The following SYTL3 variants were observed in gnomAD, a reference collection of about 807,000 sequenced individuals.
SYTL3 encodes synaptotagmin-like protein 3.
SYTL3 carries 88 observed loss-of-function variants against 82.1 expected under a neutral mutation model. The observed-to-expected ratio is 1.07, with a 90% CI of 0.90 to 1.28. SYTL3 has a LOEUF of 1.28. SYTL3 is among the 50% of genes most tolerant of loss of function. The probability of loss-of-function intolerance (pLI) is 0.00; values close to 1 mark genes in which losing one functional copy is unlikely to be tolerated. For synonymous variants in SYTL3, 311 were observed against 289.4 expected, an observed-to-expected ratio of 1.07 and a Z score of -0.76; for missense variants, 831 against 757.6, an observed-to-expected ratio of 1.10 and a Z score of -1.14.
intron 4 of SYTL3, among the ~76,000 whole-genome samples, chr6:158,664,071 G>C (rs1348517980): frequency 1.3e-5 from 2 of 152,170 alleles, no homozygotes; most frequent in Admixed American, 6.5e-5. Context: ...GTTGGCGCTT[G>C]TTTATCAATG....
rs2128454448 is a variant in SYTL3 at position 158,707,237 on chromosome 6, T to C, written c.402T>C (p.His134=). The change falls in exon 7 of 18, where the codon CAT becomes CAC. Residue 134 remains histidine, a synonymous_variant. Transcript: ENST00000611299. Reference sequence around the variant, plus strand: ...TATGGATATCTCTCGCAGGCAAACATGAGACAGTTGGAGGGCAGCTCTTGC... The same window carrying C: ...TATGGATATCTCTCGCAGGCAAACACGAGACAGTTGGAGGGCAGCTCTTGC... ...RAKKFPTGGK[H]ETVGGQLLQS... is the part of the protein sequence containing the mutation. The C allele has an allele frequency of 6.2e-7, 1 of 1,612,552 alleles. No homozygotes were observed. Among genetic ancestry groups the C allele is most frequent in the Non-Finnish European group, 8.5e-7 (1 of 1,178,826 alleles).
At chr6:158,725,988 G>A (rs1278124544) in intron 11 of SYTL3, 5 of 664,034 alleles carry the variant, frequency 7.5e-6, no homozygotes, top group East Asian at 3.5e-5. Context: ...TTGGAGCTGC[G>A]TTAGGCATGC....
intron 11 of SYTL3, among the ~76,000 whole-genome samples, chr6:158,736,503 C>T (rs773242521): frequency 1.3e-5 from 2 of 149,578 alleles, no homozygotes; most frequent in Non-Finnish European, 2.9e-5. Context: ...ATAATAAAAC[C>T]ATTGGCTGGA....
chr6:158,756,645 G>A (rs1488663397), intron 13 of SYTL3, among the ~76,000 whole-genome samples: 2 of 149,932 alleles, frequency 1.3e-5, no homozygotes, highest in Non-Finnish European at 3.0e-5. Flanking sequence ...CCAGGAGGCA[G>A]AGGTTGCAGT....
intron 6 of SYTL3, among the ~76,000 whole-genome samples, chr6:158,701,414 G>A (rs80209563): frequency 0.077 from 3,082 of 40,186 alleles, 5 homozygotes; most frequent in African/African-American, 0.27. Flanking sequence ...AGGGCTGTCT[G>A]GGGGAGGAGC....
At chr6:158,693,480 C>A (rs1312923055) in intron 6 of SYTL3, among the ~76,000 whole-genome samples, 1 of 152,142 alleles carries the variant, frequency 6.6e-6, no homozygotes, top group Non-Finnish European at 1.5e-5. Flanking sequence ...CTCTGCCTCC[C>A]TTCAAGCGAT....
intron 15 of SYTL3, among the ~76,000 whole-genome samples, chr6:158,761,516 G>A (rs965582264): frequency 3.3e-5 from 5 of 151,902 alleles, no homozygotes; most frequent in Non-Finnish European, 7.4e-5. Context: ...CACCATGTTA[G>A]CCAGGATGGT....
chr6:158,756,288 C>T (rs1789047899), intron 13 of SYTL3, among the ~76,000 whole-genome samples: 2 of 152,234 alleles, frequency 1.3e-5, no homozygotes, highest in African/African-American at 2.4e-5. Flanking sequence ...GTAAGAACAT[C>T]GTGTTGGCCT....
Position 158,745,493 on chromosome 6 carries a change from G to T in SYTL3, c.869G>T (p.Ser290Ile). The T allele has an allele frequency of 1.2e-6, 2 of 1,608,554 alleles. No homozygotes were observed. The change falls in exon 12 of 18, where the codon AGC becomes ATC. Residue 290 changes from serine (S) to isoleucine (I), a missense_variant. Ser to Ile is a moderately radical substitution (Grantham distance 142). Transcript: ENST00000611299. The part of the protein sequence containing the change: ...SGGFRHGSLI[S>I]IDSTCTEMGN... ...TCTTGATTTCAGGGAAGTTTAATTA[G>T]CATTGACAGCACCTGTACAGAGATG... is the stretch of plus-strand genomic sequence containing the variant.
chr6:158,713,154 C>G (rs1192854832), intron 8 of SYTL3, among the ~76,000 whole-genome samples: 1 of 151,954 alleles, frequency 6.6e-6, no homozygotes, highest in African/African-American at 2.4e-5. Context: ...GTTCCAGTAC[C>G]TACGTGCTCA....
chr6:158,663,370 G>A lies in SYTL3; in HGVS notation c.102G>A (p.Glu34=). 6.2e-7 allele frequency: 1 copy of A among 1,613,744 alleles called. No homozygotes were observed. Among genetic ancestry groups the A allele is most frequent in the Non-Finnish European group, 8.5e-7 (1 of 1,180,002 alleles). ...AGGCGGTTCAAAACACAGAGGAGGA[G>A]AGGACACGGTAGGCTGCCCTTCCCG... The part of the protein sequence containing the change: ...RDQAVQNTEE[E]RTRKLKTHLQ... The change falls in exon 4 of 18, where the codon GAG becomes GAA. Residue 34 remains glutamate (E), a synonymous_variant. Coordinates refer to ENST00000611299, the MANE Select transcript of SYTL3 (RefSeq NM_001242394.2).
At chr6:158,656,594 A>G (rs1434196699) in intron 2 of SYTL3, among the ~76,000 whole-genome samples, 1 of 152,036 alleles carries the variant, frequency 6.6e-6, no homozygotes, top group Admixed American at 6.6e-5. Context: ...GCATGGTGGC[A>G]GGCGCCTGTA....
At chr6:158,753,574 CA>C (rs1179109418) in intron 13 of SYTL3, among the ~76,000 whole-genome samples, 1 of 151,452 alleles carries the variant, frequency 6.6e-6, no homozygotes. Flanking sequence ...ACTAAAAATA[CA>C]AAAAATTAGC....
chr6:158,694,061 A>T (rs921776804), intron 6 of SYTL3, among the ~76,000 whole-genome samples: 2 of 152,026 alleles, frequency 1.3e-5, no homozygotes, highest in Non-Finnish European at 2.9e-5. Context: ...TTAAGAGGAA[A>T]GATAAACACA....
chr6:158,724,714 A>G (rs1245714201), intron 10 of SYTL3, among the ~76,000 whole-genome samples: 1 of 152,254 alleles, frequency 6.6e-6, no homozygotes, highest in Admixed American at 6.5e-5. Flanking sequence ...AACTGTATAC[A>G]TCATAGAAAT....
At chr6:158,676,058 C>A (rs1373217091) in intron 5 of SYTL3, among the ~76,000 whole-genome samples, 2 of 152,266 alleles carry the variant, frequency 1.3e-5, no homozygotes, top group East Asian at 1.9e-4. Flanking sequence ...AAACTACTTT[C>A]AAGTTCATAT....
At chr6:158,700,862 C>T (rs575716976) in intron 6 of SYTL3, among the ~76,000 whole-genome samples, 28 of 152,290 alleles carry the variant, frequency 1.8e-4, no homozygotes, top group Admixed American at 1.0e-3. Context: ...ATGATCTGCC[C>T]TCCTTGGCCT....
intron 8 of SYTL3, among the ~76,000 whole-genome samples, chr6:158,710,501 T>C (rs951226617): frequency 8.1e-6 from 1 of 123,488 alleles, no homozygotes; most frequent in Admixed American, 7.7e-5. Flanking sequence ...CTTTGAAGCA[T>C]GGAGTCAGTT....
intron 12 of SYTL3, among the ~76,000 whole-genome samples, chr6:158,749,341 A>G (rs1324026277): frequency 7.0e-6 from 1 of 143,064 alleles, no homozygotes; most frequent in Non-Finnish European, 1.5e-5. Flanking sequence ...TTGTGAGCTA[A>G]GATTGTGCCA....
Sources: allele counts gnomAD v4.1 joint callset (sites outside exome capture counted in the v4.1 genomes callset), GRCh38; gene constraint gnomAD v4.1.1; transcripts MANE v1.5; gene names NCBI Gene and HGNC (gene_info 2026-07-23, HGNC 2026-07-21).